FNDC3A: variants seen among roughly 807,000 people sequenced by gnomAD.
The protein encoded by FNDC3A is fibronectin type-III domain-containing protein 3A.
Under a neutral mutation model 148.9 loss-of-function variants are expected in FNDC3A, and 32 were observed. That is an observed-to-expected ratio of 0.21 (90% CI 0.16 to 0.29). The LOEUF is 0.29. Ranked by LOEUF, FNDC3A falls within the 10% of genes least tolerant of loss-of-function variation. FNDC3A has a pLI of 1.00. For missense variants in FNDC3A, 1,191 were observed against 1,452.8 expected, an observed-to-expected ratio of 0.82 and a Z score of 2.93; for synonymous variants, 472 against 473.6, an observed-to-expected ratio of 1.00 and a Z score of 0.04.
intron 2 of FNDC3A, among the ~76,000 whole-genome samples, chr13:49,036,817 A>T (rs1874525490): frequency 6.6e-6 from 1 of 152,216 alleles, no homozygotes; most frequent in Non-Finnish European, 1.5e-5. Context: ...TGAAGAAGAA[A>T]TTCTATGTTC....
chr13:49,128,469 CCT>C (rs1881838300), intron 4 of FNDC3A, among the ~76,000 whole-genome samples: 3 of 152,072 alleles, frequency 2.0e-5, no homozygotes, highest in African/African-American at 2.4e-5. Context: ...GTATTCCGGG[CCT>C]CTCTACTTTC....
At chr13:48,993,631 A>G (rs1951963402) in intron 1 of FNDC3A, among the ~76,000 whole-genome samples, 1 of 152,182 alleles carries the variant, frequency 6.6e-6, no homozygotes, top group African/African-American at 2.4e-5. Context: ...TGCTAGTAAC[A>G]CATGCAAAAG....
intron 2 of FNDC3A, among the ~76,000 whole-genome samples, chr13:49,019,597 C>T (rs1275851276): frequency 1.3e-5 from 2 of 152,248 alleles, no homozygotes; most frequent in African/African-American, 2.4e-5. Flanking sequence ...TAGACCGGAG[C>T]TGTTCCTATT....
At chr13:49,144,012 T>TACTACTACC (rs59752275) in intron 7 of FNDC3A, among the ~76,000 whole-genome samples, 1 of 149,020 alleles carries the variant, frequency 6.7e-6, no homozygotes, top group Non-Finnish European at 1.5e-5. Context: ...CTACTACTAC[T>TACTACTACC]GCTACTACTA....
intron 3 of FNDC3A, among the ~76,000 whole-genome samples, chr13:49,093,398 T>G (rs1340779440): frequency 2.0e-5 from 3 of 152,232 alleles, no homozygotes; most frequent in African/African-American, 7.2e-5. Context: ...GTTATTTAAT[T>G]AGCATATATA....
At chr13:49,170,292 G>C (rs1485490289) in intron 10 of FNDC3A, among the ~76,000 whole-genome samples, 2 of 152,070 alleles carry the variant, frequency 1.3e-5, no homozygotes, top group Admixed American at 6.6e-5. Flanking sequence ...ATAATGTCTG[G>C]AACATAATGA....
At chr13:49,199,677 C>G (rs1886336348) in intron 23 of FNDC3A, among the ~76,000 whole-genome samples, 1 of 152,148 alleles carries the variant, frequency 6.6e-6, no homozygotes, top group African/African-American at 2.4e-5. Flanking sequence ...CTCTGAGATC[C>G]TTGAGGGCAG....
At chr13:49,202,650 T>A (rs1886473580) in intron 24 of FNDC3A, among the ~76,000 whole-genome samples, 1 of 152,194 alleles carries the variant, frequency 6.6e-6, no homozygotes, top group Non-Finnish European at 1.5e-5. Context: ...AATATTGAGT[T>A]TCACTGAGTC....
chr13:49,204,586 A>G (rs1297322213), intron 25 of FNDC3A, among the ~76,000 whole-genome samples: 1 of 152,238 alleles, frequency 6.6e-6, no homozygotes, highest in Non-Finnish European at 1.5e-5. Flanking sequence ...TTTACAGATA[A>G]GTAGGTTTCC....
At chr13:49,003,175 C>T (rs1952157364) in intron 1 of FNDC3A, among the ~76,000 whole-genome samples, 1 of 152,144 alleles carries the variant, frequency 6.6e-6, no homozygotes, top group South Asian at 2.1e-4. Flanking sequence ...AAGTGATTCT[C>T]CTGCCTCAGC....
At chr13:48,995,209 G>C (rs989489786) in intron 1 of FNDC3A, among the ~76,000 whole-genome samples, 2 of 152,140 alleles carry the variant, frequency 1.3e-5, no homozygotes, top group African/African-American at 2.4e-5. Context: ...GCCACTGTAA[G>C]AGTGAAAGGC....
At chr13:49,069,788 G>A (rs1017143964) in intron 2 of FNDC3A, among the ~76,000 whole-genome samples, 1 of 152,162 alleles carries the variant, frequency 6.6e-6, no homozygotes, top group African/African-American at 2.4e-5. Flanking sequence ...TACACCATCA[G>A]AAATCCAAAG....
At chr13:49,131,064 C>A in intron 4 of FNDC3A, 73 bp from the exon 5 acceptor site, 1 of 1,229,716 alleles carries the variant, frequency 8.1e-7, no homozygotes, top group South Asian at 1.3e-5. Context: ...CCGTGCCTAC[C>A]CTACTCTTAA....
chr13:48,995,194 C>T (rs557403995), intron 1 of FNDC3A, among the ~76,000 whole-genome samples: 51 of 152,188 alleles, frequency 3.4e-4, no homozygotes, highest in South Asian at 1.9e-3. Context: ...AGATTACAGT[C>T]GTGAGCCACT....
At chr13:49,165,923 A>T (rs1884432142) in intron 8 of FNDC3A, among the ~76,000 whole-genome samples, 1 of 152,090 alleles carries the variant, frequency 6.6e-6, no homozygotes, top group South Asian at 2.1e-4. Context: ...GGCCACCAGG[A>T]GGAGTGCTCA....
chr13:49,166,894 A>C (rs1339294076), intron 8 of FNDC3A, among the ~76,000 whole-genome samples: 1 of 152,174 alleles, frequency 6.6e-6, no homozygotes, highest in African/African-American at 2.4e-5. Context: ...TTTCAACAGT[A>C]CATGTTTTAT....
At chr13:49,172,164 T>TAA (rs1456651619) in intron 11 of FNDC3A, 68 bp downstream of exon 11, 100 of 1,024,280 alleles carry the variant, frequency 9.8e-5, no homozygotes, top group Non-Finnish European at 1.3e-4. Context: ...TTAACTTTTT[T>TAA]GTTTGTTTTA....
At chr13:49,027,619 G>A (rs1873814096) in intron 2 of FNDC3A, among the ~76,000 whole-genome samples, 2 of 152,012 alleles carry the variant, frequency 1.3e-5, no homozygotes, top group African/African-American at 4.8e-5. Context: ...ACATACAATT[G>A]GAATTAATTG....
intron 2 of FNDC3A, among the ~76,000 whole-genome samples, chr13:49,064,334 C>G (rs1167261084): frequency 6.6e-6 from 1 of 151,282 alleles, no homozygotes; most frequent in Non-Finnish European, 1.5e-5. Flanking sequence ...GAGCAAGACT[C>G]CGTCTCAAAA....
Sources: allele counts gnomAD v4.1 joint callset (sites outside exome capture counted in the v4.1 genomes callset), GRCh38; gene constraint gnomAD v4.1.1; transcripts MANE v1.5; gene names NCBI Gene and HGNC (gene_info 2026-07-23, HGNC 2026-07-21).